GALNT18: variants seen among roughly 807,000 people sequenced by gnomAD.
The protein encoded by GALNT18 is polypeptide N-acetylgalactosaminyltransferase 18, also known as GalNAc-transferase 18.
GALNT18 carries 44 observed loss-of-function variants against 69.5 expected under a neutral mutation model. That is an observed-to-expected ratio of 0.63 (90% CI 0.50 to 0.81). The LOEUF (loss-of-function observed/expected upper bound fraction) is 0.81, where lower values mean the gene tolerates loss of function less well. GALNT18 is among the 40% of genes least tolerant of loss of function. The pLI is 0.00. For missense variants in GALNT18, 715 were observed against 810.0 expected (o/e 0.88, Z 1.42); for synonymous variants, 364 against 318.2 (o/e 1.14, Z -1.53).
chr11:11,403,057 G>T (rs1208855577), intron 3 of GALNT18, among the ~76,000 whole-genome samples: 1 of 152,234 alleles, frequency 6.6e-6, no homozygotes, highest in African/African-American at 2.4e-5. Flanking sequence ...ATGTGGAGGA[G>T]ATGAGAGGAC....
In GALNT18 at chr11:11,448,768, G is replaced by T. The variant is rs747715401; in HGVS notation, c.404C>A (p.Pro135His). ...CCCACTGGGTCTGAGGTCAGGCAGG[G>T]GCCGGTCCAGGGGCAGGCGGTCGCT... Reference protein sequence around the residue: ...YLSDRLPLDRPLPDLRPSGCR... With the variant: ...YLSDRLPLDRHLPDLRPSGCR... Residue 135 changes from proline to histidine, a missense_variant, in exon 2 of 11, where the codon CCC becomes CAC. Transcript: ENST00000227756. 3.7e-6 allele frequency: 6 copies of T among 1,612,612 alleles called. No individual in the cohort carries two copies. Among genetic ancestry groups the T allele is most frequent in the Non-Finnish European group, 4.2e-6 (5 of 1,179,572 alleles).
intron 3 of GALNT18, among the ~76,000 whole-genome samples, chr11:11,426,522 G>T (rs1246679028): frequency 6.6e-6 from 1 of 152,196 alleles, no homozygotes; most frequent in Non-Finnish European, 1.5e-5. Context: ...CATATTTATT[G>T]AACAACTACA....
rs970036185 is a variant in GALNT18 at position 11,436,616 on chromosome 11, C to T, written c.429-3829G>A. On this transcript the variant is annotated intron_variant, in intron 2 of 10. Transcript: ENST00000227756. The surrounding 1 kb of genome is among the most constrained non-coding windows in gnomAD (Gnocchi z 4.5). ...ATTCCCTTTCAGTTTCCACAAAACA[C>T]ACGTTCATGCCACATCATGACACGG... 1.3e-5 allele frequency among the ~76,000 whole-genome samples: 2 copies of T among 152,230 alleles called. No homozygotes were observed. The highest frequency in any genetic ancestry group is 2.9e-5 in the Non-Finnish European group (2 of 68,052).
rs1858313183 is a variant in GALNT18, at chr11:11,555,533, A to G, written c.235+65826T>C. Among the ~76,000 whole-genome samples the G allele has an allele frequency of 6.6e-6, 1 of 152,216 alleles. No individual in the cohort carries two copies. Among genetic ancestry groups the G allele is most frequent in the Non-Finnish European group, 1.5e-5 (1 of 68,038 alleles). ...GCTACTGACTTTAACCTGGCTTTGA[A>G]TGCCCTGGCTTTAGACTTCTAATCT... On this transcript the variant is annotated intron_variant, in intron 1 of 10. Coordinates refer to ENST00000227756, the MANE Select transcript of GALNT18 (RefSeq NM_198516.3). This position sits in a 1 kb window ranked among gnomAD's most constrained non-coding sequence, Gnocchi z 4.7.
In GALNT18 at chr11:11,620,001, T is replaced by C. The variant is rs1346578968; in HGVS notation, c.235+1358A>G. On this transcript the variant is annotated intron_variant, in intron 1 of 10. Transcript: ENST00000227756. The surrounding 1 kb of genome is among the most constrained non-coding windows in gnomAD (Gnocchi z 6.9). ...TGAACCTCCCTGAACCTTCCCCTCC[T>C]GGAAAGGAACTATTCTGGACACCTG... Among the ~76,000 whole-genome samples, 1 of 152,068 alleles carries C rather than the reference T, an allele frequency of 6.6e-6. No individual in the cohort carries two copies. Among genetic ancestry groups the C allele is most frequent in the Non-Finnish European group, 1.5e-5 (1 of 68,016 alleles).
intron 1 of GALNT18, among the ~76,000 whole-genome samples, chr11:11,569,319 G>A (rs1368831121): frequency 4.6e-5 from 7 of 151,100 alleles, no homozygotes; most frequent in East Asian, 3.9e-4. Flanking sequence ...TTCTACTTGT[G>A]GTTTATCTTC....
intron 1 of GALNT18, among the ~76,000 whole-genome samples, chr11:11,560,953 G>A (rs148697343): frequency 6.6e-6 from 1 of 152,274 alleles, no homozygotes; most frequent in African/African-American, 2.4e-5. Context: ...GTCCTGCAGA[G>A]GCCCCTTGGT....
intron 3 of GALNT18, among the ~76,000 whole-genome samples, chr11:11,418,271 A>C (rs957035750): frequency 4.6e-5 from 7 of 152,220 alleles, no homozygotes. Flanking sequence ...ATTTAGGATT[A>C]AGTTACTGCT....
At chr11:11,526,314 T>C (rs1241168743) in intron 1 of GALNT18, among the ~76,000 whole-genome samples, 1 of 152,128 alleles carries the variant, frequency 6.6e-6, no homozygotes, top group Non-Finnish European at 1.5e-5. Flanking sequence ...ACTGTTTGTG[T>C]GATGGTAGAA....
chr11:11,279,604 A>AGGAT (rs1849024967), intron 10 of GALNT18, among the ~76,000 whole-genome samples: 1 of 152,130 alleles, frequency 6.6e-6, no homozygotes. Flanking sequence ...ATACTCGATA[A>AGGAT]ATCTCACCAA....
intron 6 of GALNT18, among the ~76,000 whole-genome samples, chr11:11,357,897 A>G (rs1463612727): frequency 6.6e-6 from 1 of 152,252 alleles, no homozygotes; most frequent in African/African-American, 2.4e-5. Flanking sequence ...GAATAAATGC[A>G]CTAAATACAA....
rs1858056814 is a variant in GALNT18, at chr11:11,546,548, C to T, written c.235+74811G>A. ...GCCACTGCAATGCTGTAAAAGGTAT[C>T]ACGGCTCCCATTGCTCACTGGATAA... is the stretch of plus-strand genomic sequence containing the variant. On this transcript the variant is annotated intron_variant, in intron 1 of 10. Transcript: ENST00000227756. This position sits in a 1 kb window ranked among gnomAD's most constrained non-coding sequence, Gnocchi z 5.8. 6.6e-6 allele frequency among the ~76,000 whole-genome samples: 1 copy of T among 152,188 alleles called. No individual in the cohort carries two copies. The highest frequency in any genetic ancestry group is 2.4e-5 in the African/African-American group (1 of 41,442).
chr11:11,516,927 G>A (rs761898975), intron 1 of GALNT18, among the ~76,000 whole-genome samples: 3 of 152,246 alleles, frequency 2.0e-5, no homozygotes, highest in Non-Finnish European at 2.9e-5. Context: ...AAGTTCATAC[G>A]GTGAAATCCT....
chr11:11,364,712 T>G (rs1244227903), intron 6 of GALNT18, among the ~76,000 whole-genome samples: 1 of 152,244 alleles, frequency 6.6e-6, no homozygotes, highest in Non-Finnish European at 1.5e-5. Context: ...TTGACAGTAT[T>G]ACAGTATTCT....
intron 3 of GALNT18, among the ~76,000 whole-genome samples, chr11:11,414,253 CA>C (rs1854800564): frequency 6.6e-6 from 1 of 152,198 alleles, no homozygotes; most frequent in Non-Finnish European, 1.5e-5. Flanking sequence ...GAGAGAGCTT[CA>C]AAAATGCCCA....
intron 9 of GALNT18, among the ~76,000 whole-genome samples, chr11:11,303,747 C>A (rs1042808348): frequency 1.3e-5 from 2 of 152,244 alleles, no homozygotes; most frequent in African/African-American, 4.8e-5. Context: ...CTCTGAGGAA[C>A]AGCTGCACCC....
At chr11:11,440,244 A>T (rs1005712090) in intron 2 of GALNT18, among the ~76,000 whole-genome samples, 3 of 152,230 alleles carry the variant, frequency 2.0e-5, no homozygotes, top group Non-Finnish European at 4.4e-5. Context: ...AACCAACAGG[A>T]AGCAGGGATA....
intron 9 of GALNT18, among the ~76,000 whole-genome samples, chr11:11,305,732 G>A (rs1477994233): frequency 2.6e-5 from 4 of 152,172 alleles, no homozygotes; most frequent in Admixed American, 2.6e-4. Context: ...TCAGGGATGC[G>A]ACTGTAACAG....
At chr11:11,553,735 C>A (rs1048459637) in intron 1 of GALNT18, among the ~76,000 whole-genome samples, 6 of 152,160 alleles carry the variant, frequency 3.9e-5, no homozygotes, top group Non-Finnish European at 7.3e-5. Context: ...TAACCAGCTG[C>A]CCCCGGGAGC....
Sources: gnomAD v4.1 joint callset for allele counts (sites outside exome capture counted in the v4.1 genomes callset) on GRCh38, gnomAD v4.1.1 for gene constraint, Gnocchi (gnomAD v3.1) non-coding constraint, MANE v1.5 for transcripts, NCBI Gene and HGNC (gene_info 2026-07-23, HGNC 2026-07-21) for gene names.